Variants in MINAR1 observed in about 807,000 individuals in gnomAD.
The protein encoded by MINAR1 is membrane integral NOTCH2 associated receptor 1.
Under a neutral mutation model 65.1 loss-of-function variants are expected in MINAR1, and 40 were observed. That is an observed-to-expected ratio of 0.61 (90% CI 0.48 to 0.80). The LOEUF (loss-of-function observed/expected upper bound fraction) is 0.80, where lower values mean the gene tolerates loss of function less well. MINAR1 is among the 30% of genes least tolerant of loss of function. The pLI is 0.00. For synonymous variants in MINAR1, 482 were observed against 449.1 expected (o/e 1.07, Z -0.93); for missense variants, 1,128 against 1,148.0 (o/e 0.98, Z 0.25).
the MINAR1 span, chr15:79,420,671 G>A: frequency 6.6e-6 from 1 of 152,156 alleles, no homozygotes; most frequent in Non-Finnish European, 1.5e-5. Context: ...CTATGGTGGT[G>A]TACAAACTCA....
At chr15:79,415,095 A>G in the MINAR1 span, 1 of 152,256 alleles carries the variant, frequency 6.6e-6, no homozygotes, top group African/African-American at 2.4e-5. Context: ...AGATGTGGGA[A>G]ACCCAGTGAG....
At chr15:79,411,438 G>A in the MINAR1 span, 13 of 702,418 alleles carry the variant, frequency 1.9e-5, no homozygotes, top group Non-Finnish European at 3.1e-5. Flanking sequence ...TGGACAAGAT[G>A]GTCGACTATA....
At position 79,458,264 on chromosome 15, in the gene MINAR1, G is replaced by C. The variant is rs770743139; in HGVS notation, c.2117G>C (p.Arg706Thr). The C allele has an allele frequency of 1.2e-6, 2 of 1,614,086 alleles. No homozygotes were observed. The highest frequency in any genetic ancestry group is 2.2e-5 in the South Asian group (2 of 91,074). The change falls in exon 2 of 4, where the codon AGG becomes ACG. Residue 706 changes from arginine to threonine, a missense_variant. Coordinates refer to ENST00000305428, the MANE Select transcript of MINAR1 (RefSeq NM_015206.3). The stretch of plus-strand genomic sequence containing the variant: ...GCCTTAAAAAAAAGCCTCTTCACCA[G>C]GCCATCCTCTAGGTCCCTAACAGAG... ...VKALKKSLFT[R>T]PSSRSLTEEN... is the part of the protein sequence containing the mutation.
rs1567057958 is a variant in MINAR1 at position 79,456,984 on chromosome 15, C to T, written c.837C>T (p.Ser279=). 6.2e-7 allele frequency: 1 copy of T among 1,614,128 alleles called. No homozygotes were observed. Among genetic ancestry groups the T allele is most frequent in the Non-Finnish European group, 8.5e-7 (1 of 1,180,022 alleles). ...AVSPSLVGPI[S]KAENEHREPQ... is the part of the protein sequence containing the mutation. ...CCCCCAGTTTGGTTGGCCCCATCAGCAAAGCAGAGAATGAGCACAGGGAAC... is the reference window on the plus strand; with the variant it reads ...CCCCCAGTTTGGTTGGCCCCATCAGTAAAGCAGAGAATGAGCACAGGGAAC... The change falls in exon 2 of 4, where the codon AGC becomes AGT. Residue 279 remains serine (S), a synonymous_variant. Transcript: ENST00000305428.
intron 1 of MINAR1, among the ~76,000 whole-genome samples, chr15:79,454,346 T>G (rs1231645531): frequency 1.3e-5 from 2 of 152,226 alleles, no homozygotes; most frequent in Non-Finnish European, 2.9e-5. Flanking sequence ...GAGAGAAAGC[T>G]CATTACCTCG....
At chr15:79,459,809 TGTG>T (rs1895582949) in intron 2 of MINAR1, among the ~76,000 whole-genome samples, 1 of 152,104 alleles carries the variant, frequency 6.6e-6, no homozygotes, top group South Asian at 2.1e-4. Flanking sequence ...GCTTACTGCA[TGTG>T]GTGTTGGAGA....
Position 79,457,822 on chromosome 15 carries a change from TC to T in MINAR1, c.1679del (p.Pro560LeufsTer5). 3.1e-6 allele frequency: 5 copies of T among 1,614,030 alleles called. No individual in the cohort carries two copies. The highest frequency in any genetic ancestry group is 4.2e-6 in the Non-Finnish European group (5 of 1,180,014). The part of the protein sequence containing the change: ...SQLHKSDCDS[S>X]PEHNLTKIAN... ...GCTCCATAAGTCAGACTGCGACAGT[TC>T]CCCTGAGCACAACTTAACCAAAATT... On this transcript the variant is annotated frameshift_variant, in exon 2 of 4. Coordinates refer to ENST00000305428, the MANE Select transcript of MINAR1 (RefSeq NM_015206.3). LOFTEE classifies it high-confidence loss of function.
rs1895945110 is a variant in MINAR1 at position 79,468,216 on chromosome 15, A to G, written c.2583A>G (p.Leu861=). 1 of 1,613,854 alleles carries G rather than the reference A, an allele frequency of 6.2e-7. No individual in the cohort carries two copies. Among genetic ancestry groups the G allele is most frequent in the Non-Finnish European group, 8.5e-7 (1 of 1,179,880 alleles). ...QTQESLNPNN[L]EYWMEDIYTP... ...AAGAATCTTTAAACCCAAATAATTT[A>G]GAGTACTGGATGGAAGACATTTATA... The change falls in exon 4 of 4, where the codon TTA becomes TTG. Residue 861 remains leucine, a synonymous_variant. Transcript: ENST00000305428.
Position 79,457,706 on chromosome 15 carries a change from A to G in MINAR1, c.1559A>G (p.Asp520Gly). 1 of 1,614,200 alleles carries G rather than the reference A, an allele frequency of 6.2e-7. No homozygotes were observed. The highest frequency in any genetic ancestry group is 8.5e-7 in the Non-Finnish European group (1 of 1,180,040). Residue 520 changes from aspartate to glycine, a missense_variant, in exon 2 of 4, where the codon GAC becomes GGC. Physicochemically the swap from Asp to Gly is moderately conservative, Grantham distance 94. Transcript: ENST00000305428. The part of the protein sequence containing the change: ...DSEIVSDDIS[D>G]IFRFLDDMSI... Reference sequence around the variant, plus strand: ...GAAATTGTCAGCGACGACATCAGTGACATTTTCCGATTTCTTGATGACATG... The same window carrying G: ...GAAATTGTCAGCGACGACATCAGTGGCATTTTCCGATTTCTTGATGACATG...
chr15:79,444,672 G>GT (rs1426999899), intron 1 of MINAR1, among the ~76,000 whole-genome samples: 1 of 151,458 alleles, frequency 6.6e-6, no homozygotes, highest in African/African-American at 2.4e-5. Context: ...ACTATGATTA[G>GT]TTTTTTGACC....
At chr15:79,445,416 C>T (rs1894985933) in intron 1 of MINAR1, among the ~76,000 whole-genome samples, 1 of 152,124 alleles carries the variant, frequency 6.6e-6, no homozygotes, top group Non-Finnish European at 1.5e-5. Context: ...TAAATTTGGG[C>T]AATTTGGCTC....
At chr15:79,458,467 A>T in intron 2 of MINAR1, 22 bp downstream of exon 2, 2 of 1,600,278 alleles carry the variant, frequency 1.2e-6, no homozygotes, top group Non-Finnish European at 1.7e-6. Context: ...TTAAGTTCAC[A>T]TAATCGGGCA....
Position 79,457,380 on chromosome 15 carries a change from C to T in MINAR1, c.1233C>T (p.Arg411=), listed in dbSNP as rs1344476617. The T allele has an allele frequency of 1.9e-6, 3 of 1,614,074 alleles. No individual in the cohort carries two copies. The African/African-American group carries it at 4.0e-5, about 22-fold the overall frequency. The change falls in exon 2 of 4, where the codon CGC becomes CGT. Residue 411 remains arginine, a synonymous_variant. Transcript: ENST00000305428. The stretch of plus-strand genomic sequence containing the variant: ...CCAATTTCCCAGCCCCAGAAAGGCG[C>T]CCAACTTACCTTGTGCCAAAGGATC... ...QTPNFPAPER[R]PTYLVPKDQQ...
chr15:79,463,153 T>C lies in MINAR1; in HGVS notation c.2385T>C (p.Pro795=). The C allele has an allele frequency of 6.2e-7, 1 of 1,614,154 alleles. No homozygotes were observed. The highest frequency in any genetic ancestry group is 1.3e-5 in the African/African-American group (1 of 75,036). The part of the protein sequence containing the change: ...DGFLVEQVFS[P]HPYPASLKAH... ...TCCTGGTGGAGCAGGTGTTCAGCCC[T>C]CACCCCTACCCTGCCTCCCTCAAGG... Residue 795 remains proline (P), a synonymous_variant, in exon 3 of 4, where the codon CCT becomes CCC. Transcript: ENST00000305428.
intron 1 of MINAR1, among the ~76,000 whole-genome samples, chr15:79,445,550 ATT>A (rs60881490): frequency 7.2e-6 from 1 of 138,666 alleles, no homozygotes; most frequent in Non-Finnish European, 1.5e-5. Context: ...TGTGACAGTT[ATT>A]TTTTTTTTTT....
In MINAR1 at chr15:79,456,709, C is replaced by T. The variant is rs149725826; in HGVS notation, c.562C>T (p.Arg188Cys). The T allele has an allele frequency of 1.6e-3, 2,586 of 1,614,150 alleles. 3 individuals carry two copies. The highest frequency in any genetic ancestry group is 2.1e-3 in the Non-Finnish European group (2,441 of 1,180,026). ...LLGVSKEVKN[R>C]AASLDRLQAL... ...GGGAGTTAGCAAAGAGGTGAAAAAC[C>T]GCGCCGCTTCCCTGGACAGGTTGCA... Residue 188 changes from arginine to cysteine, a missense_variant, in exon 2 of 4, where the codon CGC becomes TGC. Coordinates refer to ENST00000305428, the MANE Select transcript of MINAR1 (RefSeq NM_015206.3).
chr15:79,413,817 G>C, the MINAR1 span: 1 of 152,186 alleles, frequency 6.6e-6, no homozygotes, highest in East Asian at 1.9e-4. Context: ...CTAAGTGGCA[G>C]GTCTGATTTG....
At chr15:79,452,656 G>A (rs1230239548) in intron 1 of MINAR1, among the ~76,000 whole-genome samples, 2 of 149,542 alleles carry the variant, frequency 1.3e-5, no homozygotes, top group Admixed American at 6.6e-5. Flanking sequence ...GTGTCTGGGT[G>A]AGTGTGGGTG....
upstream of MINAR1, among the ~76,000 whole-genome samples, chr15:79,431,950 C>G (rs917087233): frequency 2.0e-5 from 3 of 152,190 alleles, no homozygotes; most frequent in African/African-American, 7.2e-5. Context: ...GACGCCGCGC[C>G]CCTCCCCGGG....
Sources: gnomAD v4.1 joint callset for allele counts (sites outside exome capture counted in the v4.1 genomes callset) on GRCh38, gnomAD v4.1.1 for gene constraint, MANE v1.5 for transcripts, NCBI Gene and HGNC (gene_info 2026-07-23, HGNC 2026-07-21) for gene names.